ASL: variants seen among roughly 807,000 people sequenced by gnomAD.
ASL encodes the protein argininosuccinase.
A neutral mutation model predicts 69.1 loss-of-function variants in ASL; 51 were observed. The observed-to-expected ratio is 0.74, with a 90% confidence interval of 0.59 to 0.93. The LOEUF (loss-of-function observed/expected upper bound fraction) is 0.93. ASL is among the 40% of genes least tolerant of loss of function. The pLI, the probability that ASL is intolerant of heterozygous loss-of-function variation, is 0.00. For synonymous variants in ASL, 241 were observed against 247.6 expected, an observed-to-expected ratio of 0.97 and a Z score of 0.25; for missense variants, 540 against 623.9, an observed-to-expected ratio of 0.87 and a Z score of 1.43.
rs1029804533 is a variant in ASL, at chr7:66,086,718, A to C, written c.525-26A>C. 1 of 1,608,466 alleles carries C rather than the reference A, an allele frequency of 6.2e-7. No individual in the cohort carries two copies. Among genetic ancestry groups the C allele is most frequent in the Non-Finnish European group, 8.5e-7 (1 of 1,178,288 alleles). ...AGAGGGGAGGACCCCGGCTGCCCTG[A>C]CCCTCCTGCCCCTGGCTTCCCACAG... On this transcript the variant is annotated intron_variant, in intron 7 of 16. Transcript: ENST00000304874.
chr7:66,081,040 C>T (rs1786488548), intron 2 of ASL, among the ~76,000 whole-genome samples: 1 of 152,214 alleles, frequency 6.6e-6, no homozygotes, highest in Non-Finnish European at 1.5e-5. Context: ...GTTCTGACTT[C>T]AGACTGCTGG....
chr7:66,087,442 C>T, intron 9 of ASL, 56 bp downstream of exon 9: 1 of 1,583,938 alleles, frequency 6.3e-7, no homozygotes. Context: ...CCCGCCAAGA[C>T]CTGCAGACAC....
chr7:66,085,691 T>A (rs575475242), intron 6 of ASL, among the ~76,000 whole-genome samples: 1 of 151,972 alleles, frequency 6.6e-6, no homozygotes, highest in African/African-American at 2.4e-5. Context: ...CACTGCAAGC[T>A]CTGCCTCCTG....
intron 2 of ASL, among the ~76,000 whole-genome samples, chr7:66,079,247 G>T (rs990272561): frequency 6.6e-5 from 10 of 152,206 alleles, no homozygotes; most frequent in African/African-American, 2.4e-4. Flanking sequence ...GCCAGGCCAG[G>T]TGGTTAATAG....
chr7:66,082,962 T>G, intron 5 of ASL, 26 bp downstream of exon 5: 2 of 1,612,690 alleles, frequency 1.2e-6, no homozygotes, highest in Non-Finnish European at 1.7e-6. Flanking sequence ...CACCCCCTGC[T>G]CCGTGTTGTC....
In ASL at chr7:66,089,607, C is replaced by A; in HGVS notation, c.979-5C>A. 6.2e-7 allele frequency: 1 copy of A among 1,613,544 alleles called. No homozygotes were observed. The highest frequency in any genetic ancestry group is 8.5e-7 in the Non-Finnish European group (1 of 1,179,960). On this transcript the variant is annotated splice_region_variant and splice_polypyrimidine_tract_variant and intron_variant, in intron 13 of 16. Transcript: ENST00000304874. Reference sequence around the variant, plus strand: ...GGCCCTCACCTCCTGCCATGTGCCTCCCAGGAGGACAAGGAAGCTGTGTTT... The same window carrying A: ...GGCCCTCACCTCCTGCCATGTGCCTACCAGGAGGACAAGGAAGCTGTGTTT...
chr7:66,080,363 G>A (rs1240433283), intron 2 of ASL, among the ~76,000 whole-genome samples: 1 of 141,906 alleles, frequency 7.0e-6, no homozygotes, highest in Non-Finnish European at 1.5e-5. Context: ...TCCAGCCTGG[G>A]TGACAAAGAG....
At chr7:66,077,843 C>A (rs1173242120) in intron 2 of ASL, among the ~76,000 whole-genome samples, 1 of 152,214 alleles carries the variant, frequency 6.6e-6, no homozygotes, top group Non-Finnish European at 1.5e-5. Context: ...ATCCCCTGGC[C>A]CTGAAGAGAC....
chr7:66,089,460 C>T (rs1197580252), intron 13 of ASL, 125 bp downstream of exon 13: 1 of 1,450,884 alleles, frequency 6.9e-7, no homozygotes, highest in East Asian at 2.5e-5. Flanking sequence ...CCATCCGTGG[C>T]TGCCCTTGAA....
intron 12 of ASL, 28 bp from the exon 13 acceptor site, chr7:66,089,248 C>T (rs923926957): frequency 6.2e-7 from 1 of 1,611,432 alleles, no homozygotes; most frequent in Non-Finnish European, 8.5e-7. Flanking sequence ...ATCCCGGGTC[C>T]AGCCCCTGTG....
At position 66,090,284 on chromosome 7, in the gene ASL, A is replaced by AT. The variant is rs758794760; in HGVS notation, c.1062+595dup. On this transcript the variant is annotated intron_variant, in intron 14 of 16. Coordinates refer to ENST00000304874, the MANE Select transcript of ASL (RefSeq NM_000048.4). ...ATTAAATTAAATATCTTTAAAAAACATTTTTTAGAGACAGGGTCACTCTCT... is the reference window on the plus strand; with the variant it reads ...ATTAAATTAAATATCTTTAAAAAACATTTTTTTAGAGACAGGGTCACTCTCT... Among the ~76,000 whole-genome samples, 234 of 152,158 alleles carry AT rather than the reference A, an allele frequency of 1.5e-3. 1 individual carries two copies. Among genetic ancestry groups the AT allele is most frequent in the Non-Finnish European group, 2.5e-3 (168 of 67,992 alleles).
chr7:66,092,335 T>C (rs563011854), intron 15 of ASL, among the ~76,000 whole-genome samples: 103 of 151,994 alleles, frequency 6.8e-4, no homozygotes, highest in African/African-American at 2.3e-3. Flanking sequence ...CACACTCCTG[T>C]AATCCCAGTT....
chr7:66,076,663 TCTC>T (rs777104321), intron 2 of ASL, among the ~76,000 whole-genome samples: 92 of 152,188 alleles, frequency 6.0e-4, no homozygotes, highest in Non-Finnish European at 1.1e-3. Context: ...GCTCCTGGCC[TCTC>T]CTCCTGACCA....
At chr7:66,091,054 C>T (rs887325673) in intron 14 of ASL, among the ~76,000 whole-genome samples, 12 of 146,884 alleles carry the variant, frequency 8.2e-5, no homozygotes, top group African/African-American at 2.3e-4. Flanking sequence ...GCAGAGATCA[C>T]GCCACTGCGC....
At chr7:66,076,488 G>T (rs1335671171) in intron 2 of ASL, among the ~76,000 whole-genome samples, 7 of 152,182 alleles carry the variant, frequency 4.6e-5, no homozygotes, top group African/African-American at 1.7e-4. Context: ...TCCTGCTAGA[G>T]CAATTGTCCC....
At chr7:66,079,418 C>T (rs1786440155) in intron 2 of ASL, among the ~76,000 whole-genome samples, 1 of 152,056 alleles carries the variant, frequency 6.6e-6, no homozygotes, top group African/African-American at 2.4e-5. Flanking sequence ...TGTTCTGTAC[C>T]CCCTCCCCAC....
At chr7:66,083,335 T>C in intron 6 of ASL, 161 bp downstream of exon 6, 1 of 698,710 alleles carries the variant, frequency 1.4e-6, no homozygotes, top group Non-Finnish European at 2.4e-6. Flanking sequence ...GAGTGGGCCA[T>C]TTCCTGCAGG....
At chr7:66,082,488 C>G (rs367590531) in intron 4 of ASL, 37 bp downstream of exon 4, 69 of 1,590,470 alleles carry the variant, frequency 4.3e-5, no homozygotes, top group Non-Finnish European at 5.6e-5. Context: ...TCCTTGCCTC[C>G]CCTCTCCACC....
At chr7:66,087,604 C>A in intron 9 of ASL, 125 bp from the exon 10 acceptor site, 3 of 1,053,442 alleles carry the variant, frequency 2.8e-6, no homozygotes, top group South Asian at 1.3e-5. Context: ...TGGGACTGTG[C>A]AAAAGATCCC....
Sources: allele counts gnomAD v4.1 joint callset (sites outside exome capture counted in the v4.1 genomes callset), GRCh38; gene constraint gnomAD v4.1.1; transcripts MANE v1.5; gene names NCBI Gene and HGNC (gene_info 2026-07-23, HGNC 2026-07-21).